Variants in PDZD2 observed in about 807,000 individuals in gnomAD.
PDZD2 encodes the protein PDZ domain-containing protein 2.
In PDZD2, 90 loss-of-function variants were observed where a neutral mutation model predicts 220.7. That is an observed-to-expected ratio of 0.41 (90% confidence interval 0.34 to 0.49). The LOEUF is 0.49. PDZD2 is among the 20% of genes least tolerant of loss of function. The pLI is 0.28. For synonymous variants in PDZD2, 1,375 were observed against 1,450.5 expected (o/e 0.95, Z 1.18); for missense variants, 3,174 against 3,608.5 (o/e 0.88, Z 3.08).
intron 1 of PDZD2, among the ~76,000 whole-genome samples, chr5:31,725,338 CAAAAAAA>C (rs1215709111): frequency 3.0e-5 from 2 of 67,370 alleles, no homozygotes; most frequent in Non-Finnish European, 6.3e-5. Flanking sequence ...AACTCCATCT[CAAAAAAA>C]AAAAAAAAAA....
intron 1 of PDZD2, among the ~76,000 whole-genome samples, chr5:31,663,454 G>A (rs1184210334): frequency 7.2e-5 from 11 of 152,184 alleles, no homozygotes; most frequent in Admixed American, 6.5e-4. Flanking sequence ...TTAAACAGGA[G>A]GTTGTTTTAC....
Position 32,087,422 on chromosome 5 carries a change from G to T in PDZD2, c.3974G>T (p.Gly1325Val). The T allele has an allele frequency of 6.8e-6, 11 of 1,614,134 alleles. No homozygotes were observed. The highest frequency in any genetic ancestry group is 9.3e-6 in the Non-Finnish European group (11 of 1,180,000). ...HNTRRVAALRGAGPGAEGMTP... is the reference protein window; with the variant it reads ...HNTRRVAALRVAGPGAEGMTP... ...ACCAGGAGGGTGGCTGCCCTCAGGG[G>T]AGCGGGACCTGGAGCAGAGGGAATG... The change falls in exon 20 of 25, where the codon GGA (glycine) becomes GTA (valine). Residue 1325 changes from glycine to valine, a missense_variant. Physicochemically the swap from Gly to Val is moderately radical, Grantham distance 109. Coordinates refer to ENST00000438447, the MANE Select transcript of PDZD2 (RefSeq NM_178140.4). The surrounding 1 kb of genome is among the most constrained non-coding windows in gnomAD (Gnocchi z 4.0).
In PDZD2 at chr5:32,088,987, G is replaced by C. The variant is rs770014046; in HGVS notation, c.5539G>C (p.Val1847Leu). The change falls in exon 20 of 25, where the codon GTG (valine) becomes CTG (leucine). Residue 1847 changes from valine (V) to leucine (L), a missense_variant. Around this residue, in one of 4 missense-constraint regions of PDZD2, gnomAD observed 1,861 missense variants for 2,001.0 expected, o/e 0.93. Transcript: ENST00000438447. This position sits in a 1 kb window ranked among gnomAD's most constrained non-coding sequence, Gnocchi z 4.6. ...VSSSQKKGVT[V>L]PHSPPQPKTN... Reference sequence around the variant, plus strand: ...TTCAAGCCAAAAAAAGGGCGTTACTGTGCCTCATAGCCCTCCTCAGCCGAA... The same window carrying C: ...TTCAAGCCAAAAAAAGGGCGTTACTCTGCCTCATAGCCCTCCTCAGCCGAA... The C allele has an allele frequency of 6.2e-7, 1 of 1,613,882 alleles. No homozygotes were observed. The highest frequency in any genetic ancestry group is 1.3e-5 in the African/African-American group (1 of 74,890).
chr5:32,038,955 T>C (rs1477586811), intron 7 of PDZD2, among the ~76,000 whole-genome samples: 1 of 152,254 alleles, frequency 6.6e-6, no homozygotes, highest in Non-Finnish European at 1.5e-5. Flanking sequence ...TGTAGTACGT[T>C]AACGTTCAAA....
intron 1 of PDZD2, among the ~76,000 whole-genome samples, chr5:31,789,640 A>G (rs1050146419): frequency 2.0e-5 from 3 of 152,166 alleles, no homozygotes; most frequent in African/African-American, 7.2e-5. Flanking sequence ...TACAATAAAA[A>G]CTTCCGGGCT....
chr5:32,107,287 A>C (rs1376757400), intron 24 of PDZD2: 1 of 152,258 alleles, frequency 6.6e-6, no homozygotes, highest in Non-Finnish European at 1.5e-5. Context: ...CATGGTCACT[A>C]ATGAGCACAT....
At chr5:31,821,749 T>C (rs1580824267) in intron 2 of PDZD2, among the ~76,000 whole-genome samples, 1 of 152,216 alleles carries the variant, frequency 6.6e-6, no homozygotes, top group East Asian at 1.9e-4. Context: ...TACATAGGTA[T>C]ACATGTGTCA....
chr5:31,980,599 A>G (rs924664463), intron 2 of PDZD2, among the ~76,000 whole-genome samples: 7 of 152,236 alleles, frequency 4.6e-5, no homozygotes, highest in Non-Finnish European at 7.3e-5. Context: ...GTATTTAAAT[A>G]GTAGTGCTTT....
chr5:32,056,111 G>T (rs754405141), intron 10 of PDZD2, among the ~76,000 whole-genome samples: 1 of 152,178 alleles, frequency 6.6e-6, no homozygotes, highest in Non-Finnish European at 1.5e-5. Flanking sequence ...TTAAGAGTGC[G>T]AGTAATCATT....
At chr5:31,813,267 G>A (rs894556715) in intron 2 of PDZD2, among the ~76,000 whole-genome samples, 14 of 152,116 alleles carry the variant, frequency 9.2e-5, no homozygotes, top group East Asian at 3.9e-4. Flanking sequence ...TGGCTAACAC[G>A]GTGAAACCCC....
At chr5:31,850,117 C>CGTGTATATATAAGTATAGATAG (rs1561507887) in intron 2 of PDZD2, among the ~76,000 whole-genome samples, 1 of 128,798 alleles carries the variant, frequency 7.8e-6, no homozygotes, top group Non-Finnish European at 1.6e-5. Context: ...AGTATATATA[C>CGTGTATATATAAGTATAGATAG]GTGTATATAT....
At chr5:31,895,079 G>T (rs564130674) in intron 2 of PDZD2, among the ~76,000 whole-genome samples, 2 of 152,060 alleles carry the variant, frequency 1.3e-5, no homozygotes, top group Admixed American at 1.3e-4. Flanking sequence ...TAGTAGAGAC[G>T]GGATTTCACC....
At chr5:31,779,526 A>G (rs866434783) in intron 1 of PDZD2, among the ~76,000 whole-genome samples, 1 of 151,880 alleles carries the variant, frequency 6.6e-6, no homozygotes, top group Middle Eastern at 3.4e-3. Flanking sequence ...GGCGCCCGCC[A>G]CCACGCCCGG....
chr5:31,764,316 C>T (rs1342719078), intron 1 of PDZD2, among the ~76,000 whole-genome samples: 2 of 152,150 alleles, frequency 1.3e-5, no homozygotes, highest in Non-Finnish European at 2.9e-5. Flanking sequence ...TTCCTGTTTT[C>T]GTCCTTCACG....
At chr5:32,048,504 A>G (rs1357330085) in intron 7 of PDZD2, 35 bp from the exon 8 acceptor site, 3 of 1,589,274 alleles carry the variant, frequency 1.9e-6, no homozygotes, top group Non-Finnish European at 2.6e-6. Context: ...TTTTTGTCCC[A>G]TATCAAACTA....
chr5:31,983,526 G>C lies in PDZD2; in HGVS notation c.848G>C (p.Arg283Thr), dbSNP rs1750471587. The C allele has an allele frequency of 1.9e-6, 3 of 1,614,180 alleles. No homozygotes were observed. The highest frequency in any genetic ancestry group is 1.1e-5 in the South Asian group (1 of 91,084). ...GAGGTGGCTGGACCCCATCTAGAGA[G>C]GTCAGAAGTGGACAGAGGGACAGAG... Reference protein sequence around the residue: ...LKEVAGPHLERSEVDRGTEHR... With the variant: ...LKEVAGPHLETSEVDRGTEHR... Residue 283 changes from arginine (R) to threonine (T), a missense_variant, in exon 3 of 25, where the codon AGG (arginine) becomes ACG (threonine). This residue lies in a region of PDZD2 where 632 missense variants were observed against 708.1 expected (regional missense o/e 0.89). Transcript: ENST00000438447.
At chr5:32,077,222 A>G (rs161547) in intron 18 of PDZD2, among the ~76,000 whole-genome samples, 31,348 of 152,080 alleles carry the variant, frequency 0.21, 3,769 homozygotes, top group East Asian at 0.46. Context: ...AAGCTCTATG[A>G]GTAAGACTGG....
At chr5:31,824,400 C>T (rs1206874189) in intron 2 of PDZD2, among the ~76,000 whole-genome samples, 3 of 152,166 alleles carry the variant, frequency 2.0e-5, no homozygotes, top group South Asian at 2.1e-4. Flanking sequence ...CTGTCATTTA[C>T]TCATTGTTTT....
intron 1 of PDZD2, among the ~76,000 whole-genome samples, chr5:31,797,144 T>C (rs1215607998): frequency 2.8e-5 from 4 of 140,686 alleles, no homozygotes; most frequent in Non-Finnish European, 4.6e-5. Context: ...GGGCTTTCAC[T>C]GTGTTAGCCA....
Sources: allele counts gnomAD v4.1 joint callset (sites outside exome capture counted in the v4.1 genomes callset), GRCh38; gene constraint gnomAD v4.1.1; regional missense constraint gnomAD v4.1.1; non-coding constraint Gnocchi (gnomAD v3.1); transcripts MANE v1.5; gene names NCBI Gene and HGNC (gene_info 2026-07-23, HGNC 2026-07-21).